DOCK8: variants seen among roughly 807,000 people sequenced by gnomAD.
The protein encoded by DOCK8 is dedicator of cytokinesis protein 8.
A neutral mutation model predicts 245.6 loss-of-function variants in DOCK8; 141 were observed. That is an observed-to-expected ratio of 0.57 (90% CI 0.50 to 0.66). DOCK8 has a LOEUF of 0.66. Ranked by LOEUF, DOCK8 falls within the 30% of genes least tolerant of loss-of-function variation. The probability of loss-of-function intolerance (pLI) is 0.00; values close to 1 mark genes in which losing one functional copy is unlikely to be tolerated. For missense variants in DOCK8, 2,965 were observed against 2,603.4 expected (o/e 1.14, Z -3.02); for synonymous variants, 1,168 against 970.2 (o/e 1.20, Z -3.79).
chr9:400,463 T>C (rs1190831605), intron 26 of DOCK8, among the ~76,000 whole-genome samples: 4 of 816 alleles, frequency 4.9e-3, no homozygotes, highest in Non-Finnish European at 3.7e-3. Flanking sequence ...ATCTTCACCA[T>C]CACCACCACC....
chr9:405,014 C>T lies in DOCK8; in HGVS notation c.3331C>T (p.Leu1111Phe). The T allele has an allele frequency of 1.2e-6, 2 of 1,613,426 alleles. No homozygotes were observed. Among genetic ancestry groups the T allele is most frequent in the Non-Finnish European group, 1.7e-6 (2 of 1,179,596 alleles). ...CCATGAGCATTACCTCAATCTGAAC[C>T]TTTTTTTTATGAATGCTGATACTGC... ...CSHEHYLNLN[L>F]FFMNADTAPT... The change falls in exon 27 of 48, where the codon CTT becomes TTT. Residue 1111 changes from leucine to phenylalanine, a missense_variant. Physicochemically the swap from Leu to Phe is conservative, Grantham distance 22. This residue lies in a region of DOCK8 where 2,825 missense variants were observed against 2,453.5 expected (regional missense o/e 1.15). Coordinates refer to ENST00000432829, the MANE Select transcript of DOCK8 (RefSeq NM_203447.4).
chr9:412,801 CTT>C (rs1291547640), intron 28 of DOCK8, among the ~76,000 whole-genome samples: 3 of 150,260 alleles, frequency 2.0e-5, no homozygotes, highest in Admixed American at 2.0e-4. Context: ...AATCAGAAGA[CTT>C]ATTATTAAAA....
intron 22 of DOCK8, 37 bp downstream of exon 22, chr9:382,722 C>G (rs1384147316): frequency 6.2e-7 from 1 of 1,609,808 alleles, no homozygotes; most frequent in African/African-American, 1.3e-5. Context: ...GGGACACAGG[C>G]TTTTTTATTT....
chr9:420,847 C>A, intron 31 of DOCK8, 102 bp from the exon 32 acceptor site: 12 of 1,518,346 alleles, frequency 7.9e-6, no homozygotes, highest in South Asian at 1.1e-5. Context: ...AAGCACATGT[C>A]AAACTTAGCT....
At chr9:411,698 C>G (rs1254525017) in intron 28 of DOCK8, among the ~76,000 whole-genome samples, 1 of 152,092 alleles carries the variant, frequency 6.6e-6, no homozygotes, top group Non-Finnish European at 1.5e-5. Flanking sequence ...TCAACAAACA[C>G]TAGCAAACTG....
At chr9:288,611 A>C (rs10968160) in intron 3 of DOCK8, among the ~76,000 whole-genome samples, 7,155 of 152,272 alleles carry the variant, frequency 0.047, 206 homozygotes, top group East Asian at 0.15. Context: ...CACTTTGCAC[A>C]CTAACCGATT....
chr9:307,596 G>A (rs1396915255), intron 5 of DOCK8, among the ~76,000 whole-genome samples: 3 of 151,976 alleles, frequency 2.0e-5, no homozygotes, highest in African/African-American at 7.3e-5. Flanking sequence ...GACCTCAGGT[G>A]ATCCACCCAC....
chr9:452,304 T>G (rs932390155), intron 46 of DOCK8, among the ~76,000 whole-genome samples, 187 bp downstream of exon 46: 11 of 152,134 alleles, frequency 7.2e-5, no homozygotes, highest in African/African-American at 2.7e-4. Context: ...GCCCTCCAGG[T>G]GATCCTGATG....
At chr9:307,539 G>A (rs1179625372) in intron 5 of DOCK8, among the ~76,000 whole-genome samples, 1 of 151,696 alleles carries the variant, frequency 6.6e-6, no homozygotes, top group Non-Finnish European at 1.5e-5. Flanking sequence ...TGTATTTTTA[G>A]TAGAGACAGG....
upstream of DOCK8, chr9:214,660 C>T (rs771329154): frequency 1.2e-5 from 19 of 1,600,964 alleles, no homozygotes; most frequent in Non-Finnish European, 1.5e-5. Flanking sequence ...TCCCTTCGGC[C>T]GGAGGTCGGC....
chr9:345,793 C>T lies in DOCK8; in HGVS notation c.1679+5472C>T, dbSNP rs1029489695. ...TATTAGGTTGGTGCAAAAGTAATTGCGGTAATGTGTGTGTGCTGCCCCGTG... is the reference window on the plus strand; with the variant it reads ...TATTAGGTTGGTGCAAAAGTAATTGTGGTAATGTGTGTGTGCTGCCCCGTG... On this transcript the variant is annotated intron_variant, in intron 14 of 47. Transcript: ENST00000432829. 6.6e-5 allele frequency among the ~76,000 whole-genome samples: 10 copies of T among 152,170 alleles called. No individual in the cohort carries two copies. The South Asian group carries it at 1.0e-3, about 16-fold the overall frequency.
At chr9:354,453 A>G (rs2052327206) in intron 14 of DOCK8, among the ~76,000 whole-genome samples, 1 of 152,188 alleles carries the variant, frequency 6.6e-6, no homozygotes, top group South Asian at 2.1e-4. Flanking sequence ...ATACTTTTAA[A>G]AATTTACATA....
At chr9:287,838 A>G (rs565752760) in intron 3 of DOCK8, among the ~76,000 whole-genome samples, 2 of 152,270 alleles carry the variant, frequency 1.3e-5, no homozygotes, top group South Asian at 2.1e-4. Flanking sequence ...AAATTTATGG[A>G]TGTTTCCAAA....
intron 14 of DOCK8, among the ~76,000 whole-genome samples, chr9:357,089 T>G (rs1327276465): frequency 1.3e-5 from 2 of 152,230 alleles, no homozygotes; most frequent in African/African-American, 2.4e-5. Context: ...AAGTGGGTTT[T>G]AAGGATGGCT....
chr9:398,801 A>G (rs538204637), intron 25 of DOCK8, among the ~76,000 whole-genome samples: 2 of 151,850 alleles, frequency 1.3e-5, no homozygotes, highest in African/African-American at 2.4e-5. Context: ...GCCAAAAAAA[A>G]AGAAAATAGT....
At chr9:459,454 G>A (rs1471326714) in intron 46 of DOCK8, among the ~76,000 whole-genome samples, 2 of 152,072 alleles carry the variant, frequency 1.3e-5, no homozygotes, top group Admixed American at 1.3e-4. Context: ...TTTATTAATT[G>A]CTGTGTAACA....
intron 26 of DOCK8, among the ~76,000 whole-genome samples, chr9:402,488 GTTAC>G (rs2055157454): frequency 6.6e-6 from 1 of 152,212 alleles, no homozygotes; most frequent in African/African-American, 2.4e-5. Context: ...ATCCACGGAT[GTTAC>G]TTAGCACCAT....
At chr9:274,346 G>A (rs142818268) in intron 2 of DOCK8, among the ~76,000 whole-genome samples, 1 of 152,236 alleles carries the variant, frequency 6.6e-6, no homozygotes, top group African/African-American at 2.4e-5. Flanking sequence ...ATTACTCCCA[G>A]TTATTCCGCT....
chr9:334,190 C>A (rs771000506), intron 10 of DOCK8, 35 bp from the exon 11 acceptor site: 1 of 1,613,550 alleles, frequency 6.2e-7, no homozygotes, highest in Non-Finnish European at 8.5e-7. Context: ...GGTGCTGATG[C>A]TTGTTTCAGC....
Sources: allele counts gnomAD v4.1 joint callset (sites outside exome capture counted in the v4.1 genomes callset), GRCh38; gene constraint gnomAD v4.1.1; regional missense constraint gnomAD v4.1.1; transcripts MANE v1.5; gene names NCBI Gene and HGNC (gene_info 2026-07-23, HGNC 2026-07-21).